PCDHGA2: variants seen among roughly 807,000 people sequenced by gnomAD.
PCDHGA2 encodes protocadherin gamma subfamily A, 2.
In PCDHGA2, 40 loss-of-function variants were observed where a neutral mutation model predicts 59.2. The ratio of observed to expected loss-of-function variants is 0.68; its 90% confidence interval spans 0.52 to 0.88. The LOEUF is 0.88. PCDHGA2 is among the 40% of genes least tolerant of loss of function. The pLI, the probability that PCDHGA2 is intolerant of heterozygous loss-of-function variation, is 0.00. For synonymous variants in PCDHGA2, 560 were observed against 526.0 expected, an observed-to-expected ratio of 1.06 and a Z score of -0.89; for missense variants, 1,226 against 1,204.0, an observed-to-expected ratio of 1.02 and a Z score of -0.27.
chr5:141,361,219 C>T, intron 1 of PCDHGA2: 2 of 1,613,924 alleles, frequency 1.2e-6, no homozygotes, highest in Non-Finnish European at 1.7e-6. Flanking sequence ...GGATTCGCCA[C>T]CAGGAACAGT....
At chr5:141,390,177 C>A in intron 1 of PCDHGA2, 1 of 1,613,986 alleles carries the variant, frequency 6.2e-7, no homozygotes, top group Non-Finnish European at 8.5e-7. Context: ...GTTTAATTTC[C>A]TAAAATGTAG....
chr5:141,494,076 G>A (rs538740530), intron 1 of PCDHGA2, among the ~76,000 whole-genome samples: 24 of 152,234 alleles, frequency 1.6e-4, no homozygotes, highest in African/African-American at 4.3e-4. Flanking sequence ...ATCCCTCCCC[G>A]CTGCATCCCT....
At chr5:141,407,114 T>C (rs1309229793) in intron 1 of PCDHGA2, among the ~76,000 whole-genome samples, 1 of 152,228 alleles carries the variant, frequency 6.6e-6, no homozygotes, top group Non-Finnish European at 1.5e-5. Flanking sequence ...ATTATTTGGG[T>C]TTCAGTTGCT....
chr5:141,408,540 C>A (rs201370009), intron 1 of PCDHGA2: 1 of 1,614,046 alleles, frequency 6.2e-7, no homozygotes. Flanking sequence ...GTGGAAAATC[C>A]TTTAAATATT....
intron 1 of PCDHGA2, among the ~76,000 whole-genome samples, chr5:141,347,746 C>A (rs1338414505): frequency 6.7e-6 from 1 of 149,964 alleles, no homozygotes; most frequent in Non-Finnish European, 1.5e-5. Flanking sequence ...AAAATTGGGC[C>A]ACTGCACTCC....
intron 1 of PCDHGA2, chr5:141,351,899 T>C (rs1415684229): frequency 1.9e-6 from 3 of 1,613,280 alleles, no homozygotes; most frequent in Non-Finnish European, 2.5e-6. Context: ...CCTGCGCGTG[T>C]TGGTGGGCGA....
intron 1 of PCDHGA2, chr5:141,374,770 G>A (rs750704696): frequency 6.8e-6 from 11 of 1,613,696 alleles, no homozygotes; most frequent in South Asian, 1.1e-5. Context: ...CCCAAATTCT[G>A]GTAACAGTTC....
intron 1 of PCDHGA2, chr5:141,430,691 G>A (rs1479214920): frequency 7.1e-7 from 1 of 1,416,592 alleles, no homozygotes; most frequent in Non-Finnish European, 9.4e-7. Context: ...CCATTCTATG[G>A]GCGAAGGAAC....
chr5:141,357,363 G>T (rs1169446996), intron 1 of PCDHGA2: 1 of 1,614,040 alleles, frequency 6.2e-7, no homozygotes, highest in African/African-American at 1.3e-5. Context: ...GCTGGCACAA[G>T]TCACGCCTGC....
At position 141,487,700 on chromosome 5, in the gene PCDHGA2, C is replaced by A; in HGVS notation, c.2425-7107C>A. On this transcript the variant is annotated intron_variant, in intron 1 of 3. Coordinates refer to ENST00000394576, the MANE Select transcript of PCDHGA2 (RefSeq NM_018915.4). This position sits in a 1 kb window ranked among gnomAD's most constrained non-coding sequence, Gnocchi z 5.0. ...AGGCCATGTCCTAGAGAGTACTGGCCTCTCAGTAAGTGCCCATAGTGATGT... is the reference window on the plus strand; with the variant it reads ...AGGCCATGTCCTAGAGAGTACTGGCATCTCAGTAAGTGCCCATAGTGATGT... The A allele has an allele frequency of 6.3e-7, 1 of 1,597,514 alleles. No homozygotes were observed. Among genetic ancestry groups the A allele is most frequent in the African/African-American group, 1.3e-5 (1 of 74,868 alleles).
At position 141,512,346 on chromosome 5, in the gene PCDHGA2, G is replaced by A. The variant is rs1391003897; in HGVS notation, c.*1173G>A. ...CAGGCCATTCTTAGTCCCTGGGTTG[G>A]GGAGGCAGGGAGCTAGGGCAGGGAC... On this transcript the variant is annotated 3_prime_UTR_variant, in exon 4 of 4. Transcript: ENST00000394576. 6.5e-6 allele frequency: 1 copy of A among 152,876 alleles called. No individual in the cohort carries two copies. Among genetic ancestry groups the A allele is most frequent in the Non-Finnish European group, 1.5e-5 (1 of 68,232 alleles). 9.5% of individuals were successfully genotyped at this position (152,876 alleles called of 1,614,324 possible). A position where few individuals can be genotyped will look rare whatever the true frequency, so the allele number is the denominator to read the frequency against.
rs1355845145 is a variant in PCDHGA2 at position 141,356,939 on chromosome 5, G to A, written c.2424+15544G>A. 2 of 1,614,232 alleles carry A rather than the reference G, an allele frequency of 1.2e-6. No homozygotes were observed. The highest frequency in any genetic ancestry group is 1.7e-6 in the Non-Finnish European group (2 of 1,180,038). ...TCCACTGGTGTGGAGCTGGCACCCC[G>A]CTCCGCAGATTCCGGCTACCTGGTG... On this transcript the variant is annotated intron_variant, in intron 1 of 3. Coordinates refer to ENST00000394576, the MANE Select transcript of PCDHGA2 (RefSeq NM_018915.4).
At chr5:141,500,930 G>A (rs1300719832) in intron 2 of PCDHGA2, among the ~76,000 whole-genome samples, 4 of 151,824 alleles carry the variant, frequency 2.6e-5, no homozygotes, top group Admixed American at 6.6e-5. Context: ...GTGCAGTGGC[G>A]CCATCTCGGC....
chr5:141,404,289 A>G (rs552765425), intron 1 of PCDHGA2: 15 of 1,614,006 alleles, frequency 9.3e-6, no homozygotes, highest in East Asian at 4.5e-5. Flanking sequence ...ACTGACATCA[A>G]TGATAATCCA....
In PCDHGA2 at chr5:141,512,470, T is replaced by G. The variant is rs2099884244; in HGVS notation, c.*1297T>G. On this transcript the variant is annotated 3_prime_UTR_variant, in exon 4 of 4. Transcript: ENST00000394576. ...TTCACCTTGCCAGGTGCCGTTTCTC[T>G]TCCGTGAAGGCCACTGCCCAGGTCC... 6.5e-6 allele frequency: 1 copy of G among 152,892 alleles called. No individual in the cohort carries two copies. The highest frequency in any genetic ancestry group is 2.1e-4 in the South Asian group (1 of 4,834). 9.5% of individuals were successfully genotyped at this position (152,892 alleles called of 1,614,324 possible).
In PCDHGA2 at chr5:141,494,849, A is replaced by C; in HGVS notation, c.2467A>C (p.Arg823=). ...NTDWRFSQAQ[R]PGTSGSQNGD... ...GGACTGGCGTTTCTCTCAGGCCCAG[A>C]GACCCGGCACCAGCGGGTAGGTGAC... Residue 823 remains arginine, a synonymous_variant, in exon 2 of 4, where the codon AGA becomes CGA. Transcript: ENST00000394576. 1 of 1,614,102 alleles carries C rather than the reference A, an allele frequency of 6.2e-7. No individual in the cohort carries two copies. Among genetic ancestry groups the C allele is most frequent in the Non-Finnish European group, 8.5e-7 (1 of 1,180,014 alleles).
At chr5:141,372,766 A>G in intron 1 of PCDHGA2, 1 of 1,611,952 alleles carries the variant, frequency 6.2e-7, no homozygotes, top group Non-Finnish European at 8.5e-7. Flanking sequence ...TTTGAAAGTA[A>G]TGACAATCCA....
intron 1 of PCDHGA2, chr5:141,400,772 G>T: frequency 1.8e-6 from 1 of 570,264 alleles, no homozygotes. Context: ...AAAACATTTG[G>T]TGCGTTTTTT....
rs751214480 is a variant in PCDHGA2, at chr5:141,485,161, G to A, written c.2425-9646G>A. ...CGTCTCAGGAGCAAGTAGAGAATTA[G>A]CGGGCGGCAGCAATGCTCCGCAAGG... On this transcript the variant is annotated intron_variant, in intron 1 of 3. Transcript: ENST00000394576. The surrounding 1 kb of genome is among the most constrained non-coding windows in gnomAD (Gnocchi z 5.7). The A allele has an allele frequency of 8.1e-6, 13 of 1,603,712 alleles. No individual in the cohort carries two copies. The Admixed American group carries it at 2.0e-4, about 25-fold the overall frequency.
Sources: allele counts gnomAD v4.1 joint callset (sites outside exome capture counted in the v4.1 genomes callset), GRCh38; gene constraint gnomAD v4.1.1; non-coding constraint Gnocchi (gnomAD v3.1); transcripts MANE v1.5; gene names NCBI Gene and HGNC (gene_info 2026-07-23, HGNC 2026-07-21).